The following IRAK3 variants were observed in gnomAD, a reference collection of about 807,000 sequenced individuals.
IRAK3 encodes the protein interleukin 1 receptor associated kinase 3, also known as interleukin-1 receptor-associated kinase 3.
IRAK3 carries 57 observed loss-of-function variants against 56.6 expected under a neutral mutation model. The observed-to-expected ratio is 1.01, with a 90% confidence interval of 0.81 to 1.26. The LOEUF (loss-of-function observed/expected upper bound fraction) is 1.26, where lower values mean the gene tolerates loss of function less well. IRAK3 is among the 50% of genes most tolerant of loss of function. IRAK3 has a pLI of 0.00. For missense variants in IRAK3, 703 were observed against 719.0 expected, an observed-to-expected ratio of 0.98 and a Z score of 0.25; for synonymous variants, 258 against 255.7, an observed-to-expected ratio of 1.01 and a Z score of -0.09.
intron 8 of IRAK3, among the ~76,000 whole-genome samples, chr12:66,237,250 T>G (rs1247904834): frequency 6.6e-6 from 1 of 152,044 alleles, no homozygotes; most frequent in Non-Finnish European, 1.5e-5. Flanking sequence ...TGAGCTGTAA[T>G]TATCCCCCCA....
chr12:66,226,670 A>G, intron 6 of IRAK3, 53 bp from the exon 7 acceptor site: 2 of 1,034,558 alleles, frequency 1.9e-6, no homozygotes, highest in Admixed American at 3.4e-5. Flanking sequence ...TGTGTTGTTC[A>G]TTTCCTGTCT....
At chr12:66,241,078 T>C (rs1210207327) in intron 8 of IRAK3, among the ~76,000 whole-genome samples, 1 of 151,918 alleles carries the variant, frequency 6.6e-6, no homozygotes, top group Non-Finnish European at 1.5e-5. Context: ...GGGATTCAGG[T>C]CCCCCCGAAA....
rs190859242 is a variant in IRAK3, at chr12:66,236,005, C to T, written c.887+7635C>T. ...AGTTCCAAAAGACAGTCTCAAGTTA[C>T]TAAATGAAATCCTTATCAGTTCAAT... On this transcript the variant is annotated intron_variant, in intron 8 of 11. Coordinates refer to ENST00000261233, the MANE Select transcript of IRAK3 (RefSeq NM_007199.3). 1.5e-3 allele frequency among the ~76,000 whole-genome samples: 231 copies of T among 152,306 alleles called. 5 individuals carry two copies. The highest frequency in any genetic ancestry group is 5.5e-3 in the African/African-American group (228 of 41,574).
intron 8 of IRAK3, among the ~76,000 whole-genome samples, chr12:66,229,377 A>T (rs2052821708): frequency 6.6e-6 from 1 of 152,216 alleles, no homozygotes; most frequent in Non-Finnish European, 1.5e-5. Flanking sequence ...AAGTACATGA[A>T]TACACCTTTG....
At chr12:66,228,625 G>A (rs1007259404) in intron 8 of IRAK3, among the ~76,000 whole-genome samples, 1 of 152,212 alleles carries the variant, frequency 6.6e-6, no homozygotes, top group Non-Finnish European at 1.5e-5. Context: ...ATGTAGGATA[G>A]ACAATTCTGT....
chr12:66,242,453 T>C (rs1026028800), intron 8 of IRAK3, among the ~76,000 whole-genome samples: 2 of 152,202 alleles, frequency 1.3e-5, no homozygotes, highest in Non-Finnish European at 2.9e-5. Context: ...ATCTGAGGTA[T>C]GTCAGGATAG....
intron 8 of IRAK3, among the ~76,000 whole-genome samples, chr12:66,241,984 G>GT (rs753829072): frequency 8.5e-5 from 13 of 152,082 alleles, no homozygotes; most frequent in African/African-American, 2.9e-4. Context: ...AAGATTCAGG[G>GT]TTTTTTTGTG....
In IRAK3 at chr12:66,248,480, A is replaced by C; in HGVS notation, c.*309A>C. 4 of 250,252 alleles carry C rather than the reference A, an allele frequency of 1.6e-5. No individual in the cohort carries two copies. Among genetic ancestry groups the C allele is most frequent in the Non-Finnish European group, 2.4e-5 (3 of 127,418 alleles). The allele number at this position is 250,252 out of a possible 1,614,324, so 15.5% of individuals were successfully genotyped here. ...AACAAAACAATCAAAACCTACCAAA[A>C]AGGGACTGGATTGTAATGTCCTCTC... On this transcript the variant is annotated 3_prime_UTR_variant, in exon 12 of 12. Transcript: ENST00000261233.
Position 66,215,190 on chromosome 12 carries a change from C to G in IRAK3, c.589-1981C>G, listed in dbSNP as rs529059762. Among the ~76,000 whole-genome samples, 6 of 152,156 alleles carry G rather than the reference C, an allele frequency of 3.9e-5. No homozygotes were observed. The South Asian group carries it at 1.2e-3, about 32-fold the overall frequency. On this transcript the variant is annotated intron_variant, in intron 5 of 11. Transcript: ENST00000261233. ...GCCTGTTTCTTAATGCCAATGTGTC[C>G]CTGGCCCCAATTCGTACATTGTCTT...
In IRAK3 at chr12:66,253,050, T is replaced by C. The variant is rs1370576477; in HGVS notation, c.*4879T>C. ...GAGGGAAAGGTCTATGTCCTGCTCATTTTTGGATCCCTAATGGCTGGCACA... is the reference window on the plus strand; with the variant it reads ...GAGGGAAAGGTCTATGTCCTGCTCACTTTTGGATCCCTAATGGCTGGCACA... On this transcript the variant is annotated 3_prime_UTR_variant, in exon 12 of 12. Transcript: ENST00000261233. 6.6e-6 allele frequency: 1 copy of C among 152,220 alleles called. No homozygotes were observed. Among genetic ancestry groups the C allele is most frequent in the Non-Finnish European group, 1.5e-5 (1 of 68,038 alleles). 9.4% of individuals were successfully genotyped at this position (152,220 alleles called of 1,614,324 possible). A position where few individuals can be genotyped will look rare whatever the true frequency, so the allele number is the denominator to read the frequency against.
chr12:66,236,666 A>G (rs12312119), intron 8 of IRAK3, among the ~76,000 whole-genome samples: 10,743 of 152,146 alleles, frequency 0.071, 1,049 homozygotes, highest in African/African-American at 0.22. Context: ...GCACTTGCAC[A>G]TTCGGAGCCA....
chr12:66,252,490 T>A lies in IRAK3; in HGVS notation c.*4319T>A, dbSNP rs944969027. The A allele has an allele frequency of 3.3e-5, 5 of 152,370 alleles. No homozygotes were observed. Among genetic ancestry groups the A allele is most frequent in the Admixed American group, 3.3e-4 (5 of 15,300 alleles). The allele number at this position is 152,370 out of a possible 1,614,324, so 9.4% of individuals were successfully genotyped here. A position where few individuals can be genotyped will look rare whatever the true frequency, so the allele number is the denominator to read the frequency against. On this transcript the variant is annotated 3_prime_UTR_variant, in exon 12 of 12. Transcript: ENST00000261233. ...TATCCTACTCCTCTGCTACAACTTC[T>A]CTGCTACAGGCACCCACTGCAGTTA...
Position 66,234,738 on chromosome 12 carries a change from C to T in IRAK3, c.887+6368C>T, listed in dbSNP as rs895530646. ...CATTTTTCTGTTGATTCCGTCCTAG[C>T]AAAGCCAACACCACGACTTGTACCA... On this transcript the variant is annotated intron_variant, in intron 8 of 11. Transcript: ENST00000261233. 67 of 1,596,916 alleles carry T rather than the reference C, an allele frequency of 4.2e-5. No individual in the cohort carries two copies. In the African/African-American group the frequency reaches 8.7e-4, roughly 21 times the overall value.
intron 6 of IRAK3, among the ~76,000 whole-genome samples, chr12:66,218,081 C>A (rs1408093488): frequency 6.6e-6 from 1 of 152,072 alleles, no homozygotes; most frequent in East Asian, 1.9e-4. Context: ...AAGCATAGAC[C>A]AGGAAAAGAT....
Position 66,249,051 on chromosome 12 carries a change from C to A in IRAK3, c.*880C>A, listed in dbSNP as rs2053066844. On this transcript the variant is annotated 3_prime_UTR_variant, in exon 12 of 12. Transcript: ENST00000261233. Reference sequence around the variant, plus strand: ...CTACAAAACAGCCACCTCCTGGAAGCTTCCCTAATCTCTACAACCAGAAGT... The same window carrying A: ...CTACAAAACAGCCACCTCCTGGAAGATTCCCTAATCTCTACAACCAGAAGT... 1 of 152,212 alleles carries A rather than the reference C, an allele frequency of 6.6e-6. No homozygotes were observed. The highest frequency in any genetic ancestry group is 6.5e-5 in the Admixed American group (1 of 15,280). The allele number at this position is 152,212 out of a possible 1,614,324, so 9.4% of individuals were successfully genotyped here.
intron 2 of IRAK3, among the ~76,000 whole-genome samples, chr12:66,207,868 A>G (rs1454674845): frequency 6.6e-6 from 1 of 152,156 alleles, no homozygotes; most frequent in Non-Finnish European, 1.5e-5. Flanking sequence ...CTTGTATTTC[A>G]ATATGATCAG....
chr12:66,215,997 G>A lies in IRAK3; in HGVS notation c.589-1174G>A, dbSNP rs114529150. Among the ~76,000 whole-genome samples, 1,067 of 152,250 alleles carry A rather than the reference G, an allele frequency of 7.0e-3. 26 individuals carry two copies. The highest frequency in any genetic ancestry group is 0.025 in the African/African-American group (1,030 of 41,530). On this transcript the variant is annotated intron_variant, in intron 5 of 11. Transcript: ENST00000261233. ...TGTGCTTCTCTAACTTTAATCACCT[G>A]GGAATCATCTTACAATGCAGATTCT...
Position 66,253,461 on chromosome 12 carries a change from T to C in IRAK3, c.*5290T>C, listed in dbSNP as rs1056517630. The stretch of plus-strand genomic sequence containing the variant: ...TTCCAAATCATTTATATATACTTGA[T>C]GGTCTGTGGGCTTGACTTGCAAGTA... On this transcript the variant is annotated 3_prime_UTR_variant, in exon 12 of 12. Transcript: ENST00000261233. 6.6e-6 allele frequency: 1 copy of C among 152,208 alleles called. No individual in the cohort carries two copies. Among genetic ancestry groups the C allele is most frequent in the Non-Finnish European group, 1.5e-5 (1 of 68,044 alleles). 9.4% of individuals were successfully genotyped at this position (152,208 alleles called of 1,614,324 possible). A position where few individuals can be genotyped will look rare whatever the true frequency, so the allele number is the denominator to read the frequency against.
intron 1 of IRAK3, among the ~76,000 whole-genome samples, chr12:66,194,374 C>T (rs912646426): frequency 6.6e-6 from 1 of 152,094 alleles, no homozygotes; most frequent in East Asian, 1.9e-4. Flanking sequence ...TCCTTGAACC[C>T]CTCCAGTCAG....
Sources: allele counts gnomAD v4.1 joint callset (sites outside exome capture counted in the v4.1 genomes callset), GRCh38; gene constraint gnomAD v4.1.1; transcripts MANE v1.5; gene names NCBI Gene and HGNC (gene_info 2026-07-23, HGNC 2026-07-21).